The following CFAP61 variants were observed in gnomAD, a reference collection of about 807,000 sequenced individuals.
The protein encoded by CFAP61 is cilia- and flagella-associated protein 61.
In CFAP61, 107 loss-of-function variants were observed where a neutral mutation model predicts 135.6. That is an observed-to-expected ratio of 0.79 (90% CI 0.67 to 0.93). The LOEUF (loss-of-function observed/expected upper bound fraction) is 0.93, where lower values mean the gene tolerates loss of function less well. Among genes scored for constraint, CFAP61 ranks in the 40% least tolerant of loss-of-function variants. The probability of loss-of-function intolerance (pLI) is 0.00; values close to 1 mark genes in which losing one functional copy is unlikely to be tolerated. For missense variants in CFAP61, 1,507 were observed against 1,556.2 expected (o/e 0.97, Z 0.53); for synonymous variants, 575 against 578.5 (o/e 0.99, Z 0.09).
chr20:20,347,454 T>G (rs1054434164), intron 26 of CFAP61, among the ~76,000 whole-genome samples: 1 of 152,068 alleles, frequency 6.6e-6, no homozygotes, highest in Non-Finnish European at 1.5e-5. Flanking sequence ...TTTGGAAAGA[T>G]CAACCAAATT....
chr20:20,072,289 G>A (rs1568833235), intron 3 of CFAP61, among the ~76,000 whole-genome samples: 1 of 151,296 alleles, frequency 6.6e-6, no homozygotes, highest in Non-Finnish European at 1.5e-5. Context: ...TAATTTTTTT[G>A]TATTTTTAGT....
intron 2 of CFAP61, among the ~76,000 whole-genome samples, chr20:20,063,500 CTAA>C (rs1176280604): frequency 6.6e-6 from 1 of 152,096 alleles, no homozygotes; most frequent in Non-Finnish European, 1.5e-5. Flanking sequence ...AGGAGAAAAT[CTAA>C]TAATCTCAAT....
chr20:20,085,495 T>C (rs1869650208), intron 6 of CFAP61: 1 of 1,366,436 alleles, frequency 7.3e-7, no homozygotes. Context: ...AACTCCAAGA[T>C]TTGGATGTTT....
chr20:20,086,829 A>G (rs368443098), intron 6 of CFAP61, among the ~76,000 whole-genome samples: 83 of 152,288 alleles, frequency 5.5e-4, no homozygotes, highest in African/African-American at 1.9e-3. Context: ...AGAACTGGAC[A>G]ATATATATCC....
intron 13 of CFAP61, among the ~76,000 whole-genome samples, chr20:20,178,176 C>T (rs2054778368): frequency 1.3e-5 from 2 of 152,146 alleles, no homozygotes; most frequent in South Asian, 2.1e-4. Flanking sequence ...ACACATTCCA[C>T]ACCCAGGTTC....
intron 26 of CFAP61, among the ~76,000 whole-genome samples, chr20:20,346,701 T>A (rs1376396932): frequency 6.6e-6 from 1 of 152,002 alleles, no homozygotes; most frequent in East Asian, 1.9e-4. Context: ...TCCTTCAAAA[T>A]CCTTTACGAA....
At chr20:20,052,672 G>C in intron 1 of CFAP61, 81 bp downstream of exon 1, 1 of 1,613,210 alleles carries the variant, frequency 6.2e-7, no homozygotes, top group African/African-American at 1.3e-5. Context: ...GTCAGCCTCC[G>C]GAACTGGGAT....
At chr20:20,251,466 A>G in intron 19 of CFAP61, 129 bp from the exon 20 acceptor site, 1 of 758,154 alleles carries the variant, frequency 1.3e-6, no homozygotes, top group Non-Finnish European at 2.2e-6. Context: ...TCCTAGTATC[A>G]GTCCTGGTAA....
At chr20:20,143,312 A>G (rs1256500796) in intron 9 of CFAP61, among the ~76,000 whole-genome samples, 2 of 152,202 alleles carry the variant, frequency 1.3e-5, no homozygotes, top group African/African-American at 4.8e-5. Context: ...CCAATGGGAC[A>G]GCATTTTCCT....
chr20:20,312,949 A>G (rs1187992076), intron 25 of CFAP61, among the ~76,000 whole-genome samples: 2 of 152,178 alleles, frequency 1.3e-5, no homozygotes, highest in Non-Finnish European at 2.9e-5. Flanking sequence ...GTATCTCATT[A>G]TTTAACTATT....
chr20:20,088,550 T>C (rs2011309), intron 6 of CFAP61, among the ~76,000 whole-genome samples: 7,117 of 152,162 alleles, frequency 0.047, 551 homozygotes, highest in African/African-American at 0.16. Context: ...ATGGGGGCAG[T>C]CACCCCCATG....
In CFAP61 at chr20:20,211,685, C is replaced by T. The variant is rs112563552; in HGVS notation, c.1932+11783C>T. 5.1e-3 allele frequency among the ~76,000 whole-genome samples: 776 copies of T among 152,322 alleles called. 8 individuals are homozygous for T. The highest frequency in any genetic ancestry group is 7.5e-3 in the Non-Finnish European group (512 of 68,038). On this transcript the variant is annotated intron_variant, in intron 17 of 26. Transcript: ENST00000245957. ...AATTACAGACTGTGCCACATTCCTA[C>T]TTCTTGTGCTGTTCAATTGTGTCCC...
intron 25 of CFAP61, among the ~76,000 whole-genome samples, chr20:20,324,076 CTTGA>C (rs1416513656): frequency 1.3e-5 from 2 of 152,074 alleles, no homozygotes; most frequent in African/African-American, 2.4e-5. Flanking sequence ...TTGGCGTATC[CTTGA>C]TTATTTCCAT....
At chr20:20,107,086 C>A (rs1447745340) in intron 8 of CFAP61, among the ~76,000 whole-genome samples, 1 of 152,158 alleles carries the variant, frequency 6.6e-6, no homozygotes. Flanking sequence ...TTAAATTGGC[C>A]ATCAGTGGGT....
At position 20,188,030 on chromosome 20, in the gene CFAP61, C is replaced by T. The variant is rs529543908; in HGVS notation, c.1486C>T (p.Arg496Cys). The change falls in exon 14 of 27, where the codon CGT becomes TGT. Residue 496 changes from arginine to cysteine, a missense_variant. Transcript: ENST00000245957. ...LNKSILEDLD[R>C]YNKARKDPDG... ...TAAAAGCATATTGGAGGACTTAGAC[C>T]GTTACAACAAGGCTCGCAAAGACCC... The T allele has an allele frequency of 2.7e-5, 43 of 1,614,006 alleles. No homozygotes were observed. Among genetic ancestry groups the T allele is most frequent in the South Asian group, 9.9e-5 (9 of 91,082 alleles).
At chr20:20,219,692 CT>C (rs945969409) in intron 17 of CFAP61, among the ~76,000 whole-genome samples, 9 of 152,114 alleles carry the variant, frequency 5.9e-5, no homozygotes, top group African/African-American at 2.2e-4. Flanking sequence ...TCACAAAAAT[CT>C]GAGAATAAAT....
intron 25 of CFAP61, among the ~76,000 whole-genome samples, chr20:20,313,379 TG>T (rs1015431857): frequency 1.1e-4 from 17 of 152,362 alleles, no homozygotes; most frequent in African/African-American, 3.8e-4. Context: ...TATGTCAGCC[TG>T]AGCAGGCTAA....
At chr20:20,102,301 A>G (rs952401429) in intron 8 of CFAP61, among the ~76,000 whole-genome samples, 1 of 152,188 alleles carries the variant, frequency 6.6e-6, no homozygotes, top group African/African-American at 2.4e-5. Context: ...GTCTTTTCCT[A>G]CCAGCTGTGA....
At chr20:20,332,169 C>T (rs570974629) in intron 25 of CFAP61, among the ~76,000 whole-genome samples, 4 of 152,362 alleles carry the variant, frequency 2.6e-5, no homozygotes, top group East Asian at 1.9e-4. Context: ...TGTACCCTGA[C>T]GGCAGACATT....
Sources: gnomAD v4.1 joint callset for allele counts (sites outside exome capture counted in the v4.1 genomes callset) on GRCh38, gnomAD v4.1.1 for gene constraint, MANE v1.5 for transcripts, NCBI Gene and HGNC (gene_info 2026-07-23, HGNC 2026-07-21) for gene names.